Variants in EFHB observed in about 807,000 individuals in gnomAD.
EFHB encodes the protein EF-hand domain family member B, also known as EF-hand domain-containing family member B.
A neutral mutation model predicts 87.2 loss-of-function variants in EFHB; 91 were observed. The observed-to-expected ratio is 1.04, with a 90% CI of 0.88 to 1.24. EFHB has a LOEUF of 1.24. EFHB is among the 50% of genes most tolerant of loss of function. EFHB has a pLI of 0.00. For synonymous variants in EFHB, 325 were observed against 333.6 expected, an observed-to-expected ratio of 0.97 and a Z score of 0.28; for missense variants, 1,084 against 998.8, an observed-to-expected ratio of 1.09 and a Z score of -1.15.
chr3:19,929,498 G>T (rs547275878), intron 1 of EFHB, among the ~76,000 whole-genome samples: 1 of 151,928 alleles, frequency 6.6e-6, no homozygotes. Context: ...GAGGTCAGGA[G>T]TTCAAGACCA....
intron 4 of EFHB, among the ~76,000 whole-genome samples, chr3:19,917,518 A>C (rs1426069465): frequency 6.6e-6 from 1 of 152,162 alleles, no homozygotes; most frequent in Non-Finnish European, 1.5e-5. Context: ...CCACAAAATA[A>C]AGAAAGATGG....
intron 12 of EFHB, 26 bp from the exon 13 acceptor site, chr3:19,879,830 C>T (rs778792154): frequency 1.9e-6 from 3 of 1,541,296 alleles, no homozygotes; most frequent in Middle Eastern, 1.8e-4. Context: ...TAAAATAGAC[C>T]ATGATTTATA....
At chr3:19,897,758 G>T (rs756882048) in intron 8 of EFHB, among the ~76,000 whole-genome samples, 41 of 152,180 alleles carry the variant, frequency 2.7e-4, no homozygotes, top group Non-Finnish European at 4.1e-4. Flanking sequence ...CTCTTCAAAA[G>T]ATATTAAAGC....
intron 3 of EFHB, 59 bp downstream of exon 3, chr3:19,919,774 T>A (rs1695372048): frequency 6.6e-7 from 1 of 1,524,732 alleles, no homozygotes; most frequent in Non-Finnish European, 9.0e-7. Flanking sequence ...AATACCTGAT[T>A]TGTGCATTTT....
At chr3:19,889,270 G>A (rs972989271) in intron 9 of EFHB, among the ~76,000 whole-genome samples, 2 of 152,188 alleles carry the variant, frequency 1.3e-5, no homozygotes, top group African/African-American at 2.4e-5. Flanking sequence ...GAGATGAAGG[G>A]GCAGAGCACA....
At chr3:19,880,319 G>T (rs1195403059) in intron 12 of EFHB, among the ~76,000 whole-genome samples, 2 of 151,700 alleles carry the variant, frequency 1.3e-5, no homozygotes, top group Admixed American at 6.6e-5. Context: ...GTGTGATCTT[G>T]GCTCACTGCA....
intron 1 of EFHB, chr3:19,940,386 C>A: frequency 2.3e-6 from 1 of 426,384 alleles, no homozygotes; most frequent in South Asian, 1.8e-5. Flanking sequence ...TGCAGACTCT[C>A]TCCAGCTCTT....
chr3:19,913,283 T>C (rs1695122050), intron 5 of EFHB, among the ~76,000 whole-genome samples: 1 of 152,184 alleles, frequency 6.6e-6, no homozygotes, highest in Non-Finnish European at 1.5e-5. Context: ...GATGATATGA[T>C]CTTATATTTA....
intron 9 of EFHB, 59 bp downstream of exon 9, chr3:19,896,628 C>T (rs749964161): frequency 6.2e-7 from 1 of 1,611,226 alleles, no homozygotes; most frequent in Non-Finnish European, 8.5e-7. Context: ...CTGATCTACA[C>T]CAAACTGCTG....
intron 5 of EFHB, among the ~76,000 whole-genome samples, chr3:19,907,863 T>C (rs62279133): frequency 0.19 from 28,254 of 152,184 alleles, 3,398 homozygotes; most frequent in Non-Finnish European, 0.27. Flanking sequence ...CAAGAAATTA[T>C]AATTGTCTCT....
Position 19,888,584 on chromosome 3 carries a change from T to G in EFHB, c.1793A>C (p.Asp598Ala). The G allele has an allele frequency of 2.5e-6, 4 of 1,605,832 alleles. No homozygotes were observed. Among genetic ancestry groups the G allele is most frequent in the Non-Finnish European group, 3.4e-6 (4 of 1,175,782 alleles). ...EACDQANLSL[D>A]DKLLDQLFDY... Reference sequence around the variant, plus strand: ...AAATAGCTGGTCCAGGAGCTTGTCATCTAAACTCAAGTTGGCCTGGTCACA... The same window carrying G: ...AAATAGCTGGTCCAGGAGCTTGTCAGCTAAACTCAAGTTGGCCTGGTCACA... The change falls in exon 10 of 13, where the codon GAT (aspartate) becomes GCT (alanine). Residue 598 changes from aspartate to alanine, a missense_variant. By Grantham distance (126) the Asp-to-Ala change is moderately radical. Transcript: ENST00000295824.
chr3:19,917,403 T>A (rs1695270783), intron 4 of EFHB, among the ~76,000 whole-genome samples: 1 of 152,158 alleles, frequency 6.6e-6, no homozygotes, highest in South Asian at 2.1e-4. Flanking sequence ...TCAGAGTAGA[T>A]GTCACTACCT....
At position 19,934,140 on chromosome 3, in the gene EFHB, T is replaced by TC. The variant is rs1164338489; in HGVS notation, c.-123dup. The stretch of plus-strand genomic sequence containing the variant: ...CCCTCTCTCAGGAAAGAGCACAACC[T>TC]CACTCGGACTCCCTGTCCATTGCTT... On this transcript the variant is annotated 5_prime_UTR_variant, in exon 1 of 13. An upstream open reading frame in the 5' UTR loses its in-frame stop. Coordinates refer to ENST00000295824, the MANE Select transcript of EFHB (RefSeq NM_144715.4). 4 of 1,453,360 alleles carry TC rather than the reference T, an allele frequency of 2.8e-6. No individual in the cohort carries two copies. Among genetic ancestry groups the TC allele is most frequent in the South Asian group, 2.9e-5 (2 of 68,270 alleles). The allele number at this position is 1,453,360 out of a possible 1,614,324, so 90.0% of individuals were successfully genotyped here. A position where few individuals can be genotyped will look rare whatever the true frequency, so the allele number is the denominator to read the frequency against.
upstream of EFHB, among the ~76,000 whole-genome samples, chr3:19,938,280 AT>A: frequency 6.6e-6 from 1 of 152,346 alleles, no homozygotes; most frequent in South Asian, 2.1e-4. Flanking sequence ...AGGTATATAC[AT>A]TTGTCAAAAC....
chr3:19,895,544 C>A (rs1380822856), intron 9 of EFHB, among the ~76,000 whole-genome samples: 1 of 151,490 alleles, frequency 6.6e-6, no homozygotes, highest in Non-Finnish European at 1.5e-5. Flanking sequence ...TTAAGATGAT[C>A]ATCTTTCCTT....
intron 1 of EFHB, 80 bp downstream of exon 1, chr3:19,933,150 C>G: frequency 6.9e-7 from 1 of 1,451,946 alleles, no homozygotes. Context: ...CAAACCAAAA[C>G]AAATTTTATC....
intron 1 of EFHB, among the ~76,000 whole-genome samples, chr3:19,922,465 G>A (rs922889030): frequency 2.0e-5 from 3 of 152,148 alleles, no homozygotes; most frequent in African/African-American, 2.4e-5. Flanking sequence ...GGGTTTTGTA[G>A]CCAGAAACAT....
In EFHB at chr3:19,933,634, G is replaced by A. The variant is rs893495589; in HGVS notation, c.385C>T (p.Pro129Ser). The stretch of plus-strand genomic sequence containing the variant: ...GAACTTCCACACACCCTGCCCAAAG[G>A]AGGCTGTATTATCCGTTCATGGGTA... The part of the protein sequence containing the change: ...GYTHERIIQP[P>S]LGRVCGSSQA... Residue 129 changes from proline to serine, a missense_variant, in exon 1 of 13, where the codon CCT becomes TCT. By Grantham distance (74) the Pro-to-Ser change is moderately conservative. Transcript: ENST00000295824. 1.2e-5 allele frequency: 19 copies of A among 1,613,824 alleles called. No individual in the cohort carries two copies. Among genetic ancestry groups the A allele is most frequent in the Non-Finnish European group, 1.5e-5 (18 of 1,179,898 alleles).
At chr3:19,894,999 T>C (rs1412179773) in intron 9 of EFHB, 2 of 140,316 alleles carry the variant, frequency 1.4e-5, no homozygotes, top group East Asian at 2.0e-4. Flanking sequence ...AATATATATA[T>C]GTATATATAA....
Sources: allele counts gnomAD v4.1 joint callset (sites outside exome capture counted in the v4.1 genomes callset), GRCh38; gene constraint gnomAD v4.1.1; transcripts MANE v1.5; gene names NCBI Gene and HGNC (gene_info 2026-07-23, HGNC 2026-07-21).